The following RNF217 variants were observed in gnomAD, a reference collection of about 807,000 sequenced individuals.
The protein encoded by RNF217 is ring finger protein 217.
In RNF217, 31 loss-of-function variants were observed where a neutral mutation model predicts 57.8. The ratio of observed to expected loss-of-function variants is 0.54; its 90% CI spans 0.40 to 0.72. The LOEUF (loss-of-function observed/expected upper bound fraction) is 0.72. Among genes scored for constraint, RNF217 ranks in the 30% least tolerant of loss-of-function variants. The probability of loss-of-function intolerance (pLI) is 0.00; values close to 1 mark genes in which losing one functional copy is unlikely to be tolerated. For missense variants in RNF217, 696 were observed against 708.3 expected (o/e 0.98, Z 0.20); for synonymous variants, 313 against 294.0 (o/e 1.06, Z -0.66).
intron 1 of RNF217, among the ~76,000 whole-genome samples, chr6:124,980,596 G>A (rs1784128080): frequency 6.6e-6 from 1 of 152,050 alleles, no homozygotes; most frequent in Middle Eastern, 3.2e-3. Context: ...TCTGGTGTAA[G>A]TTCCACATCC....
intron 1 of RNF217, among the ~76,000 whole-genome samples, chr6:124,973,704 T>C (rs1181852278): frequency 1.3e-5 from 2 of 152,226 alleles, no homozygotes; most frequent in East Asian, 3.8e-4. Flanking sequence ...TGAACTACTG[T>C]GGCCTGAGTC....
intron 1 of RNF217, among the ~76,000 whole-genome samples, chr6:124,966,326 G>A (rs1022537770): frequency 5.3e-5 from 8 of 152,104 alleles, no homozygotes; most frequent in Non-Finnish European, 7.4e-5. Flanking sequence ...AAATGTAATT[G>A]CAGACAACCT....
At chr6:124,978,005 TTAAAGA>T (rs1478242023) in intron 1 of RNF217, among the ~76,000 whole-genome samples, 2 of 152,078 alleles carry the variant, frequency 1.3e-5, no homozygotes, top group Non-Finnish European at 2.9e-5. Flanking sequence ...TCTTATTCTG[TTAAAGA>T]TAAAATGATA....
chr6:125,085,524 A>G lies in RNF217; in HGVS notation c.*2587A>G, dbSNP rs1420600023. The stretch of plus-strand genomic sequence containing the variant: ...ATATGTCAGTGCCAACTTTGAAGGT[A>G]AAACAGTAGTAGTAACTTTTGGGAG... On this transcript the variant is annotated 3_prime_UTR_variant, in exon 6 of 6. Coordinates refer to ENST00000521654, the MANE Select transcript of RNF217 (RefSeq NM_001286398.3). 1 of 151,946 alleles carries G rather than the reference A, an allele frequency of 6.6e-6. No homozygotes were observed. Among genetic ancestry groups the G allele is most frequent in the East Asian group, 1.9e-4 (1 of 5,200 alleles). 9.4% of individuals were successfully genotyped at this position (151,946 alleles called of 1,614,324 possible). A position where few individuals can be genotyped will look rare whatever the true frequency, so the allele number is the denominator to read the frequency against.
At chr6:125,024,400 C>T (rs1436754473) in intron 1 of RNF217, among the ~76,000 whole-genome samples, 3 of 151,306 alleles carry the variant, frequency 2.0e-5, no homozygotes, top group Non-Finnish European at 4.4e-5. Context: ...CTGAGCAACA[C>T]GGTAAAATCC....
At chr6:125,052,720 A>G (rs1027519483) in intron 2 of RNF217, among the ~76,000 whole-genome samples, 22 of 152,110 alleles carry the variant, frequency 1.4e-4, no homozygotes, top group Non-Finnish European at 1.5e-5. Context: ...TCTCTATAAC[A>G]TGCTGTACCT....
At chr6:124,971,010 G>C (rs1022776820) in intron 1 of RNF217, among the ~76,000 whole-genome samples, 1 of 152,188 alleles carries the variant, frequency 6.6e-6, no homozygotes, top group Non-Finnish European at 1.5e-5. Flanking sequence ...TTTCAGGTTA[G>C]AGTGGGTTCA....
At chr6:125,056,705 G>A (rs566039353) in intron 2 of RNF217, among the ~76,000 whole-genome samples, 2 of 152,250 alleles carry the variant, frequency 1.3e-5, no homozygotes, top group Non-Finnish European at 1.5e-5. Context: ...CTGCAGTGAC[G>A]TGACATAGAG....
At chr6:125,069,969 A>G (rs188048273) in intron 3 of RNF217, among the ~76,000 whole-genome samples, 1 of 152,202 alleles carries the variant, frequency 6.6e-6, no homozygotes, top group East Asian at 1.9e-4. Flanking sequence ...AGCAGTGTAC[A>G]CTGTACCCAT....
Position 125,085,324 on chromosome 6 carries a change from G to A in RNF217, c.*2387G>A, listed in dbSNP as rs969686404. On this transcript the variant is annotated 3_prime_UTR_variant, in exon 6 of 6. Coordinates refer to ENST00000521654, the MANE Select transcript of RNF217 (RefSeq NM_001286398.3). Reference sequence around the variant, plus strand: ...AAATAGTGTGCACTGTGTTGCACAGGTTTTTCATTTTTCTATTGAGTAGAT... The same window carrying A: ...AAATAGTGTGCACTGTGTTGCACAGATTTTTCATTTTTCTATTGAGTAGAT... 2.6e-5 allele frequency: 4 copies of A among 151,632 alleles called. No individual in the cohort carries two copies. Among genetic ancestry groups the A allele is most frequent in the Non-Finnish European group, 5.9e-5 (4 of 67,780 alleles). The allele number at this position is 151,632 out of a possible 1,614,324, so 9.4% of individuals were successfully genotyped here. A position where few individuals can be genotyped will look rare whatever the true frequency, so the allele number is the denominator to read the frequency against.
intron 1 of RNF217, among the ~76,000 whole-genome samples, chr6:125,005,923 A>G (rs1217056924): frequency 6.6e-6 from 1 of 152,232 alleles, no homozygotes; most frequent in Non-Finnish European, 1.5e-5. Flanking sequence ...AAATTCAGAT[A>G]AAAATCATTT....
chr6:124,965,291 T>C (rs1301970111), intron 1 of RNF217, among the ~76,000 whole-genome samples: 6 of 152,108 alleles, frequency 3.9e-5, no homozygotes. Context: ...TACACATTAT[T>C]GGCCGGGTGC....
intron 1 of RNF217, among the ~76,000 whole-genome samples, chr6:125,003,524 C>G (rs558110522): frequency 6.6e-6 from 1 of 152,090 alleles, no homozygotes; most frequent in African/African-American, 2.4e-5. Flanking sequence ...TAGGAATAAA[C>G]TTTAGAGATT....
intron 1 of RNF217, among the ~76,000 whole-genome samples, chr6:124,976,973 TCC>T (rs1470128697): frequency 6.6e-6 from 1 of 152,242 alleles, no homozygotes; most frequent in Non-Finnish European, 1.5e-5. Context: ...AGTAATTTTT[TCC>T]TGATACTTTG....
chr6:125,003,794 G>C (rs965001854), intron 1 of RNF217, among the ~76,000 whole-genome samples: 3 of 152,016 alleles, frequency 2.0e-5, no homozygotes, highest in Non-Finnish European at 2.9e-5. Flanking sequence ...TCTATTATCA[G>C]AGCTCATACC....
At chr6:125,018,644 A>G (rs1785701507) in intron 1 of RNF217, among the ~76,000 whole-genome samples, 1 of 152,226 alleles carries the variant, frequency 6.6e-6, no homozygotes, top group East Asian at 1.9e-4. Flanking sequence ...TTAGACGATT[A>G]AAAAAGGAAT....
At chr6:125,020,122 C>A (rs1031365433) in intron 1 of RNF217, among the ~76,000 whole-genome samples, 2 of 152,154 alleles carry the variant, frequency 1.3e-5, no homozygotes, top group Non-Finnish European at 1.5e-5. Context: ...CAGAGCTGTT[C>A]ACGAGAATGA....
At chr6:125,071,892 A>G (rs990565509) in intron 3 of RNF217, among the ~76,000 whole-genome samples, 1 of 152,182 alleles carries the variant, frequency 6.6e-6, no homozygotes, top group Non-Finnish European at 1.5e-5. Context: ...GAGAATTTTG[A>G]TACTAAATTT....
intron 1 of RNF217, among the ~76,000 whole-genome samples, chr6:124,967,711 A>G (rs1033588683): frequency 6.6e-6 from 1 of 152,224 alleles, no homozygotes; most frequent in Admixed American, 6.5e-5. Flanking sequence ...CCAGAGGTGA[A>G]AGCTTATATA....
Sources: allele counts gnomAD v4.1 joint callset (sites outside exome capture counted in the v4.1 genomes callset), GRCh38; gene constraint gnomAD v4.1.1; transcripts MANE v1.5; gene names NCBI Gene and HGNC (gene_info 2026-07-23, HGNC 2026-07-21).